Variants in MACROD2 observed in about 807,000 individuals in gnomAD.
MACROD2 encodes mono-ADP ribosylhydrolase 2, also known as ADP-ribose glycohydrolase MACROD2.
In MACROD2, 36 loss-of-function variants were observed where a neutral mutation model predicts 70.4. The ratio of observed to expected loss-of-function variants is 0.51; its 90% CI spans 0.39 to 0.68. The LOEUF is 0.68. Among genes scored for constraint, MACROD2 ranks in the 30% least tolerant of loss-of-function variants. MACROD2 has a pLI of 0.00. For synonymous variants in MACROD2, 172 were observed against 178.8 expected, an observed-to-expected ratio of 0.96 and a Z score of 0.30; for missense variants, 496 against 538.4, an observed-to-expected ratio of 0.92 and a Z score of 0.78.
intron 7 of MACROD2, among the ~76,000 whole-genome samples, chr20:15,454,658 T>TGGAGCTGACCTAG (rs1452263979): frequency 1.5e-5 from 2 of 129,560 alleles, no homozygotes; most frequent in Non-Finnish European, 3.3e-5. Context: ...TTTCCAGCAG[T>TGGAGCTGACCTAG]CACGCTGGCT....
chr20:15,777,450 TC>T (rs1297219622), intron 8 of MACROD2, among the ~76,000 whole-genome samples: 3 of 146,652 alleles, frequency 2.0e-5, no homozygotes, highest in African/African-American at 7.7e-5. Flanking sequence ...TTTTTTTTTT[TC>T]ATCACACTGT....
At chr20:14,001,543 T>G (rs1333121859) in intron 1 of MACROD2, among the ~76,000 whole-genome samples, 5 of 152,086 alleles carry the variant, frequency 3.3e-5, no homozygotes, top group African/African-American at 1.2e-4. Flanking sequence ...CTATTTTGTA[T>G]CTTACTGTGT....
At chr20:15,895,538 T>C (rs1261095167) in intron 10 of MACROD2, among the ~76,000 whole-genome samples, 2 of 152,140 alleles carry the variant, frequency 1.3e-5, no homozygotes, top group Non-Finnish European at 2.9e-5. Flanking sequence ...CTCCCAACTT[T>C]AGAGGGGATG....
intron 6 of MACROD2, among the ~76,000 whole-genome samples, chr20:15,330,244 G>A (rs1009882455): frequency 3.0e-4 from 46 of 152,034 alleles, no homozygotes; most frequent in African/African-American, 1.1e-3. Context: ...ACCGAGCAAT[G>A]GGCCAGGAAA....
At position 14,413,833 on chromosome 20, in the gene MACROD2, A is replaced by G. The variant is rs201386360; in HGVS notation, c.272-79646A>G. On this transcript the variant is annotated intron_variant, in intron 3 of 17. Coordinates refer to ENST00000684519, the MANE Select transcript of MACROD2 (RefSeq NM_001351661.2). ...TTTTTCCTGTTGAAATTGCTATGAA[A>G]CCATTCACAGGATGGGCAGAAACAG... Among the ~76,000 whole-genome samples the G allele has an allele frequency of 4.6e-5, 7 of 151,890 alleles. No homozygotes were observed. The East Asian group carries it at 5.8e-4, about 13-fold the overall frequency.
intron 8 of MACROD2, among the ~76,000 whole-genome samples, chr20:15,854,335 G>A (rs1226834127): frequency 6.6e-6 from 1 of 152,084 alleles, no homozygotes; most frequent in Non-Finnish European, 1.5e-5. Flanking sequence ...ATATGGCAAG[G>A]AAATGCAGGT....
chr20:15,284,080 C>A (rs1216035444), intron 6 of MACROD2, among the ~76,000 whole-genome samples: 2 of 152,014 alleles, frequency 1.3e-5, no homozygotes, highest in East Asian at 1.9e-4. Flanking sequence ...TATTAAATTT[C>A]TTTTCCTTGA....
chr20:15,758,878 G>A (rs1182034454), intron 8 of MACROD2, among the ~76,000 whole-genome samples: 3 of 151,562 alleles, frequency 2.0e-5, no homozygotes, highest in East Asian at 2.0e-4. Context: ...GGCCGGGCAC[G>A]GTGGCTCATG....
At chr20:14,144,823 C>G (rs2054925126) in intron 3 of MACROD2, among the ~76,000 whole-genome samples, 1 of 152,110 alleles carries the variant, frequency 6.6e-6, no homozygotes, top group African/African-American at 2.4e-5. Flanking sequence ...TTTAGTGGTC[C>G]ATAATTATGG....
At chr20:14,582,409 CTGT>C (rs1456487251) in intron 4 of MACROD2, among the ~76,000 whole-genome samples, 1 of 152,134 alleles carries the variant, frequency 6.6e-6, no homozygotes, top group Non-Finnish European at 1.5e-5. Flanking sequence ...TTATTATCCT[CTGT>C]GAGTTGGTTG....
intron 13 of MACROD2, among the ~76,000 whole-genome samples, chr20:15,984,353 C>G (rs111466538): frequency 6.6e-6 from 1 of 151,828 alleles, no homozygotes; most frequent in Non-Finnish European, 1.5e-5. Context: ...TTTTATGTCC[C>G]TTTATAATTT....
chr20:14,348,901 C>T (rs2083091494), intron 3 of MACROD2, among the ~76,000 whole-genome samples: 1 of 151,964 alleles, frequency 6.6e-6, no homozygotes, highest in South Asian at 2.1e-4. Context: ...AGTCCCATCT[C>T]TACAAAAAAT....
chr20:14,799,328 A>G (rs937435228), intron 5 of MACROD2, among the ~76,000 whole-genome samples: 5 of 152,084 alleles, frequency 3.3e-5, no homozygotes, highest in Admixed American at 2.6e-4. Context: ...TATTAAAATA[A>G]TAAGAGATAG....
chr20:15,402,081 C>T (rs2045937885), intron 6 of MACROD2, among the ~76,000 whole-genome samples: 1 of 152,202 alleles, frequency 6.6e-6, no homozygotes, highest in African/African-American at 2.4e-5. Context: ...GCGGCATTTT[C>T]CAGGTCTTGG....
At chr20:16,048,903 C>T (rs1183293569) in intron 17 of MACROD2, among the ~76,000 whole-genome samples, 2 of 152,134 alleles carry the variant, frequency 1.3e-5, no homozygotes, top group East Asian at 3.8e-4. Context: ...TGACACAACA[C>T]AAATGTCTCG....
chr20:15,889,523 C>T (rs2064862802), intron 10 of MACROD2, among the ~76,000 whole-genome samples: 1 of 152,172 alleles, frequency 6.6e-6, no homozygotes, highest in East Asian at 1.9e-4. Context: ...TAAGTAGAGG[C>T]AGGAGCATTT....
intron 5 of MACROD2, among the ~76,000 whole-genome samples, chr20:14,913,864 A>T (rs977578202): frequency 1.6e-4 from 24 of 151,902 alleles, no homozygotes; most frequent in Non-Finnish European, 2.6e-4. Flanking sequence ...GACACTGTAG[A>T]GTTTGTTTAA....
Position 14,848,890 on chromosome 20 carries a change from G to A in MACROD2, c.418+163931G>A, listed in dbSNP as rs955217727. Among the ~76,000 whole-genome samples the A allele has an allele frequency of 1.2e-4, 19 of 152,204 alleles. No homozygotes were observed. In the East Asian group the frequency reaches 3.5e-3, roughly 28 times the overall value. ...TCTAATTAGGGCAGCCTGGGCCAAG[G>A]ATGGTAAATTCATGGCAATCACATG... On this transcript the variant is annotated intron_variant, in intron 5 of 17. Transcript: ENST00000684519.
At chr20:14,990,575 G>A (rs1422082259) in intron 5 of MACROD2, among the ~76,000 whole-genome samples, 2 of 147,792 alleles carry the variant, frequency 1.4e-5, no homozygotes, top group Non-Finnish European at 3.0e-5. Flanking sequence ...GTGCAATGGC[G>A]CGATCTCGAC....
Sources: allele counts gnomAD v4.1 joint callset (sites outside exome capture counted in the v4.1 genomes callset), GRCh38; gene constraint gnomAD v4.1.1; transcripts MANE v1.5; gene names NCBI Gene and HGNC (gene_info 2026-07-23, HGNC 2026-07-21).